SLC4A8: variants seen among roughly 807,000 people sequenced by gnomAD.
The protein encoded by SLC4A8 is solute carrier family 4 member 8, also known as electroneutral sodium bicarbonate exchanger 1.
In SLC4A8, 40 loss-of-function variants were observed where a neutral mutation model predicts 125.0. The observed-to-expected ratio is 0.32, with a 90% confidence interval of 0.25 to 0.42. SLC4A8 has a LOEUF of 0.42. SLC4A8 is among the 10% of genes least tolerant of loss of function. The pLI is 1.00. For synonymous variants in SLC4A8, 456 were observed against 476.0 expected, an observed-to-expected ratio of 0.96 and a Z score of 0.55; for missense variants, 863 against 1,355.1, an observed-to-expected ratio of 0.64 and a Z score of 5.70.
intron 1 of SLC4A8, among the ~76,000 whole-genome samples, chr12:51,432,883 T>C (rs1592173058): frequency 6.6e-6 from 1 of 152,294 alleles, no homozygotes; most frequent in Non-Finnish European, 1.5e-5. Context: ...ATGTACTCTC[T>C]GAAAACACTG....
upstream of SLC4A8, among the ~76,000 whole-genome samples, chr12:51,424,055 AAAAAAAACAAC>A (rs1269844108): frequency 7.8e-3 from 319 of 40,750 alleles, 5 homozygotes; most frequent in South Asian, 0.012. Context: ...AAAAAAAAAC[AAAAAAAACAAC>A]AAAAAAAAAA....
chr12:51,500,329 G>GAAGA (rs1476842579), intron 22 of SLC4A8, among the ~76,000 whole-genome samples: 1 of 152,118 alleles, frequency 6.6e-6, no homozygotes, highest in Non-Finnish European at 1.5e-5. Context: ...AGAAAAAAGT[G>GAAGA]AAGACTTTTT....
At chr12:51,401,989 A>C (rs1948402993) in intron 1 of SLC4A8, among the ~76,000 whole-genome samples, 2 of 152,080 alleles carry the variant, frequency 1.3e-5, no homozygotes, top group Admixed American at 6.5e-5. Flanking sequence ...GCTGGTCTCA[A>C]ACATCTGAGC....
In SLC4A8 at chr12:51,485,850, T is replaced by G. The variant is rs1206288083; in HGVS notation, c.2236T>G (p.Phe746Val). 1 of 1,613,786 alleles carries G rather than the reference T, an allele frequency of 6.2e-7. No individual in the cohort carries two copies. Among genetic ancestry groups the G allele is most frequent in the Non-Finnish European group, 8.5e-7 (1 of 1,179,690 alleles). Residue 746 changes from phenylalanine (F) to valine (V), a missense_variant, in exon 17 of 25, where the codon TTT (phenylalanine) becomes GTT (valine). By Grantham distance (50) the Phe-to-Val change is conservative (BLOSUM62 -1). Transcript: ENST00000453097. ...TATCTTCACAATGGTGATTATTGAT[T>G]TTTTGATTGGAGTCCCATCACCAAA... ...LTIFTMVIID[F>V]LIGVPSPKLQ...
intron 21 of SLC4A8, 89 bp downstream of exon 21, chr12:51,495,207 G>A: frequency 3.5e-6 from 4 of 1,142,190 alleles, no homozygotes; most frequent in Non-Finnish European, 4.9e-6. Context: ...CCATTTTTAA[G>A]TGTACAGTTG....
chr12:51,501,051 G>A (rs913772487), intron 22 of SLC4A8, among the ~76,000 whole-genome samples: 1 of 152,074 alleles, frequency 6.6e-6, no homozygotes, highest in African/African-American at 2.4e-5. Context: ...GGATGGTCTC[G>A]ATCTCCTGAC....
intron 1 of SLC4A8, chr12:51,403,009 C>A (rs1436127646): frequency 1.2e-5 from 4 of 337,936 alleles, no homozygotes; most frequent in African/African-American, 2.2e-5. Flanking sequence ...TGAAGTCCCC[C>A]AGTTAGCTGG....
At position 51,512,513 on chromosome 12, in the gene SLC4A8, CA is replaced by C. The variant is rs1341942526; in HGVS notation, c.*5078del. 2 of 152,208 alleles carry C rather than the reference CA, an allele frequency of 1.3e-5. No individual in the cohort carries two copies. Among genetic ancestry groups the C allele is most frequent in the African/African-American group, 4.8e-5 (2 of 41,426 alleles). 9.4% of individuals were successfully genotyped at this position (152,208 alleles called of 1,614,324 possible). On this transcript the variant is annotated 3_prime_UTR_variant, in exon 25 of 25. Transcript: ENST00000453097. ...CTCCCTCCTCTTGTCCAACTTCCACCAAACACTCAATCCGAGTCCTGGCTGC... is the reference window on the plus strand; with the variant it reads ...CTCCCTCCTCTTGTCCAACTTCCACCAACACTCAATCCGAGTCCTGGCTGC...
At chr12:51,452,021 T>G in intron 3 of SLC4A8, 103 bp from the exon 4 acceptor site, 20 of 1,011,208 alleles carry the variant, frequency 2.0e-5, no homozygotes, top group Non-Finnish European at 2.2e-5. Flanking sequence ...TCTGCATTCG[T>G]GGTTGTCTAT....
intron 5 of SLC4A8, among the ~76,000 whole-genome samples, chr12:51,456,536 C>T (rs544431159): frequency 1.5e-4 from 23 of 152,246 alleles, no homozygotes; most frequent in African/African-American, 4.3e-4. Flanking sequence ...AAAAGGAAAT[C>T]AGCACTGTAT....
At chr12:51,461,984 G>T in intron 9 of SLC4A8, 1 of 163,466 alleles carries the variant, frequency 6.1e-6, no homozygotes, top group Admixed American at 6.7e-5. Flanking sequence ...ACGTGGGAAA[G>T]CTGATTAAAA....
At chr12:51,482,408 C>T (rs906186107) in intron 16 of SLC4A8, among the ~76,000 whole-genome samples, 2 of 152,002 alleles carry the variant, frequency 1.3e-5, no homozygotes, top group Non-Finnish European at 2.9e-5. Flanking sequence ...GAGACAGAGT[C>T]TCACTCTGTC....
chr12:51,461,798 A>G (rs1950332625), intron 9 of SLC4A8: 1 of 199,604 alleles, frequency 5.0e-6, no homozygotes, highest in African/African-American at 2.4e-5. Context: ...TAAGGACTGC[A>G]CTGCTCGGTA....
intron 5 of SLC4A8, among the ~76,000 whole-genome samples, chr12:51,455,727 TAGG>T (rs1399082074): frequency 6.6e-6 from 1 of 152,162 alleles, no homozygotes; most frequent in Non-Finnish European, 1.5e-5. Context: ...TCTGGGATCA[TAGG>T]AGGACCCAGG....
intron 21 of SLC4A8, among the ~76,000 whole-genome samples, chr12:51,495,489 T>A (rs985837632): frequency 3.4e-5 from 5 of 145,396 alleles, no homozygotes; most frequent in African/African-American, 1.3e-4. Flanking sequence ...TTTTTTTTTT[T>A]TTTGAGATGG....
Position 51,395,623 on chromosome 12 carries a change from A to T in SLC4A8, c.-112+4135A>T, listed in dbSNP as rs114669609. 3.3e-5 allele frequency among the ~76,000 whole-genome samples: 5 copies of T among 151,970 alleles called. No homozygotes were observed. The East Asian group carries it at 7.7e-4, about 23-fold the overall frequency. The stretch of plus-strand genomic sequence containing the variant: ...TGAGGGAGACCTGCCCTTCAGGGGG[A>T]GGTGCTGGCTCCACTTAGCTAGGGG... On this transcript the variant is annotated intron_variant, in intron 1 of 24. Coordinates refer to the SLC4A8 transcript ENST00000358657.
chr12:51,446,723 C>A (rs1400018718), intron 2 of SLC4A8, among the ~76,000 whole-genome samples: 3 of 152,142 alleles, frequency 2.0e-5, no homozygotes, highest in African/African-American at 7.2e-5. Context: ...TTTTTGTGGC[C>A]CCTTTCAGGT....
In SLC4A8 at chr12:51,465,513, G is replaced by T. The variant is rs115028980; in HGVS notation, c.1349+1799G>T. On this transcript the variant is annotated intron_variant, in intron 11 of 24. Transcript: ENST00000453097. ...TCCCCAAGAAAATCCCATATTGCCA[G>T]GATCATCATATTCTTATTCACAAAC... Among the ~76,000 whole-genome samples the T allele has an allele frequency of 5.8e-4, 88 of 152,236 alleles. 1 individual carries two copies. The highest frequency in any genetic ancestry group is 2.1e-3 in the African/African-American group (87 of 41,532).
rs1938310306 is a variant in SLC4A8, at chr12:51,510,060, CG to C, written c.*2624del. 1.3e-5 allele frequency: 2 copies of C among 152,306 alleles called. No individual in the cohort carries two copies. Among genetic ancestry groups the C allele is most frequent in the South Asian group, 4.2e-4 (2 of 4,812 alleles). The allele number at this position is 152,306 out of a possible 1,614,324, so 9.4% of individuals were successfully genotyped here. A position where few individuals can be genotyped will look rare whatever the true frequency, so the allele number is the denominator to read the frequency against. ...CTCTAGGGATTGTAGGTCCCAACAG[CG>C]GTTCCAGCAGCCTGCACAGCTGGTA... On this transcript the variant is annotated 3_prime_UTR_variant, in exon 25 of 25. Transcript: ENST00000453097.
Sources: allele counts gnomAD v4.1 joint callset (sites outside exome capture counted in the v4.1 genomes callset), GRCh38; gene constraint gnomAD v4.1.1; transcripts MANE v1.5; gene names NCBI Gene and HGNC (gene_info 2026-07-23, HGNC 2026-07-21).